TMEM61: variants seen among roughly 807,000 people sequenced by gnomAD.
TMEM61 encodes transmembrane protein 61.
TMEM61 carries 13 observed loss-of-function variants against 12.0 expected under a neutral mutation model. The ratio of observed to expected loss-of-function variants is 1.08; its 90% CI spans 0.70 to 1.72. The LOEUF (loss-of-function observed/expected upper bound fraction) is 1.72, where lower values mean the gene tolerates loss of function less well. TMEM61 is among the 40% of genes most tolerant of loss of function. TMEM61 has a pLI of 0.00. For synonymous variants in TMEM61, 109 were observed against 121.4 expected (o/e 0.90, Z 0.67); for missense variants, 249 against 276.9 (o/e 0.90, Z 0.71).
intron 2 of TMEM61, among the ~76,000 whole-genome samples, chr1:54,990,848 G>A (rs1256162891): frequency 6.6e-6 from 1 of 152,156 alleles, no homozygotes; most frequent in Non-Finnish European, 1.5e-5. Flanking sequence ...TTTTACAGAT[G>A]AGGAAACCAG....
chr1:54,990,363 G>A (rs770712196), intron 2 of TMEM61, among the ~76,000 whole-genome samples: 1 of 152,152 alleles, frequency 6.6e-6, no homozygotes, highest in Non-Finnish European at 1.5e-5. Flanking sequence ...TGGGAGCAGT[G>A]AGCCTCCCAG....
At chr1:54,988,444 G>A (rs1032499395) in intron 2 of TMEM61, among the ~76,000 whole-genome samples, 1 of 152,238 alleles carries the variant, frequency 6.6e-6, no homozygotes, top group African/African-American at 2.4e-5. Context: ...CTCAAAACTG[G>A]GGGGCTGGGG....
At chr1:54,988,622 GT>G (rs2101636796) in intron 2 of TMEM61, among the ~76,000 whole-genome samples, 1 of 152,350 alleles carries the variant, frequency 6.6e-6, no homozygotes, top group African/African-American at 2.4e-5. Flanking sequence ...GTAACTCTAG[GT>G]CAGAAATAAA....
intron 1 of TMEM61, among the ~76,000 whole-genome samples, chr1:54,982,872 G>A (rs1644232424): frequency 6.6e-6 from 1 of 152,162 alleles, no homozygotes; most frequent in African/African-American, 2.4e-5. Flanking sequence ...TGTCACCCTA[G>A]TGGCCACAGT....
chr1:54,986,543 A>T (rs1157597668), intron 2 of TMEM61, 97 bp downstream of exon 2: 2 of 1,097,262 alleles, frequency 1.8e-6, no homozygotes, highest in Non-Finnish European at 2.6e-6. Flanking sequence ...GCAAATTCTC[A>T]TGGGGTTCCT....
chr1:54,981,045 G>A lies in TMEM61; in HGVS notation c.-21G>A. On this transcript the variant is annotated 5_prime_UTR_variant, in exon 1 of 3. Coordinates refer to ENST00000371268, the MANE Select transcript of TMEM61 (RefSeq NM_182532.3). ...GCCCGGCTCCCTGCGCGCCTGGACA[G>A]CGCCTGCTGCCCGCCTCCCGATGGC... 6.4e-7 allele frequency: 1 copy of A among 1,572,130 alleles called. No individual in the cohort carries two copies. Among genetic ancestry groups the A allele is most frequent in the East Asian group, 2.3e-5 (1 of 42,662 alleles).
rs1052616542 is a variant in TMEM61, at chr1:54,980,919, G to A, written c.-147G>A. 3.7e-6 allele frequency: 3 copies of A among 811,262 alleles called. No individual in the cohort carries two copies. The Admixed American group carries it at 9.9e-5, about 27-fold the overall frequency. The allele number at this position is 811,262 out of a possible 1,614,324, so 50.3% of individuals were successfully genotyped here. Reference sequence around the variant, plus strand: ...GAGCAGGGCTCGGGGGCAGCGGCCAGGCCCCTCCGCCCCTAACACCCGCGC... The same window carrying A: ...GAGCAGGGCTCGGGGGCAGCGGCCAAGCCCCTCCGCCCCTAACACCCGCGC... On this transcript the variant is annotated 5_prime_UTR_variant, in exon 1 of 3. Transcript: ENST00000371268.
At chr1:54,987,826 C>G (rs1437890714) in intron 2 of TMEM61, among the ~76,000 whole-genome samples, 1 of 152,234 alleles carries the variant, frequency 6.6e-6, no homozygotes, top group Non-Finnish European at 1.5e-5. Context: ...CTAAGCCAGA[C>G]TGCCGTGAGC....
intron 2 of TMEM61, among the ~76,000 whole-genome samples, chr1:54,991,302 A>G (rs576393094): frequency 2.0e-5 from 3 of 152,332 alleles, no homozygotes; most frequent in Non-Finnish European, 4.4e-5. Flanking sequence ...GTAAGTTGTA[A>G]GCTCTCCATC....
chr1:54,987,351 C>T (rs1039851798), intron 2 of TMEM61, among the ~76,000 whole-genome samples: 5 of 152,122 alleles, frequency 3.3e-5, no homozygotes, highest in Admixed American at 6.5e-5. Flanking sequence ...CAAAGTGTTG[C>T]ATGAAGACAG....
At chr1:54,985,571 T>C (rs972772618) in intron 1 of TMEM61, among the ~76,000 whole-genome samples, 1 of 152,204 alleles carries the variant, frequency 6.6e-6, no homozygotes, top group African/African-American at 2.4e-5. Context: ...TTTTGCTCTA[T>C]GTTGCGAATT....
rs1644213351 is a variant in TMEM61, at chr1:54,980,853, T to C, written c.-213T>C. ...CGGAGAGGGCGCGGCTGGTGAGCCCTGGGAGGGCCCAGGAGCCAGACCTCG... is the reference window on the plus strand; with the variant it reads ...CGGAGAGGGCGCGGCTGGTGAGCCCCGGGAGGGCCCAGGAGCCAGACCTCG... On this transcript the variant is annotated 5_prime_UTR_variant, in exon 1 of 3. Transcript: ENST00000371268. 4.5e-6 allele frequency: 2 copies of C among 446,320 alleles called. No homozygotes were observed. The highest frequency in any genetic ancestry group is 6.3e-5 in the South Asian group (1 of 15,960). The allele number at this position is 446,320 out of a possible 1,614,324, so 27.6% of individuals were successfully genotyped here. A position where few individuals can be genotyped will look rare whatever the true frequency, so the allele number is the denominator to read the frequency against.
At chr1:54,989,247 C>T (rs577211058) in intron 2 of TMEM61, among the ~76,000 whole-genome samples, 3 of 152,274 alleles carry the variant, frequency 2.0e-5, no homozygotes, top group East Asian at 3.9e-4. Flanking sequence ...TGCAGTCAGA[C>T]GAAGCTGGGG....
intron 2 of TMEM61, among the ~76,000 whole-genome samples, chr1:54,989,164 C>T (rs1344739333): frequency 6.6e-6 from 1 of 152,138 alleles, no homozygotes; most frequent in Non-Finnish European, 1.5e-5. Flanking sequence ...CATTTGACAG[C>T]TGAGAAGACT....
In TMEM61 at chr1:54,980,889, C is replaced by T; in HGVS notation, c.-177C>T. 1 of 585,116 alleles carries T rather than the reference C, an allele frequency of 1.7e-6. No individual in the cohort carries two copies. The highest frequency in any genetic ancestry group is 2.7e-6 in the Non-Finnish European group (1 of 370,246). 36.2% of individuals were successfully genotyped at this position (585,116 alleles called of 1,614,324 possible). A position where few individuals can be genotyped will look rare whatever the true frequency, so the allele number is the denominator to read the frequency against. On this transcript the variant is annotated 5_prime_UTR_variant, in exon 1 of 3. Transcript: ENST00000371268. ...AGGAGCCAGACCTCGGTTTTGCGGG[C>T]TGGGGAGCAGGGCTCGGGGGCAGCG...
chr1:54,981,564 G>C (rs1023903972), intron 1 of TMEM61, among the ~76,000 whole-genome samples: 28 of 152,314 alleles, frequency 1.8e-4, no homozygotes, highest in African/African-American at 6.7e-4. Context: ...GGTGCAATGA[G>C]CCGAGATCGC....
chr1:54,989,883 A>G (rs1278367980), intron 2 of TMEM61, among the ~76,000 whole-genome samples: 3 of 151,724 alleles, frequency 2.0e-5, no homozygotes, highest in Non-Finnish European at 4.4e-5. Context: ...GTGAGCAGGC[A>G]GGAGATGGGG....
At chr1:54,982,289 T>A (rs1009397617) in intron 1 of TMEM61, among the ~76,000 whole-genome samples, 6 of 152,064 alleles carry the variant, frequency 3.9e-5, no homozygotes. Flanking sequence ...AGGGGTGCAA[T>A]GAGAGTCCTG....
intron 1 of TMEM61, among the ~76,000 whole-genome samples, chr1:54,985,196 A>G (rs1309173485): frequency 6.6e-5 from 10 of 151,118 alleles, no homozygotes; most frequent in Non-Finnish European, 1.3e-4. Context: ...ACCATTATTA[A>G]TAAGGCCACG....
Sources: allele counts gnomAD v4.1 joint callset (sites outside exome capture counted in the v4.1 genomes callset), GRCh38; gene constraint gnomAD v4.1.1; transcripts MANE v1.5; gene names NCBI Gene and HGNC (gene_info 2026-07-23, HGNC 2026-07-21).